Variants in NOL4 observed in about 807,000 individuals in gnomAD.
The protein encoded by NOL4 is nucleolar protein 4.
NOL4 carries 17 observed loss-of-function variants against 75.9 expected under a neutral mutation model. The observed-to-expected ratio is 0.22, with a 90% confidence interval of 0.15 to 0.34. The LOEUF (loss-of-function observed/expected upper bound fraction) is 0.34. Ranked by LOEUF, NOL4 falls within the 10% of genes least tolerant of loss-of-function variation. NOL4 has a pLI of 1.00. For missense variants in NOL4, 614 were observed against 793.5 expected, an observed-to-expected ratio of 0.77 and a Z score of 2.72; for synonymous variants, 292 against 289.9, an observed-to-expected ratio of 1.01 and a Z score of -0.07.
intron 6 of NOL4, among the ~76,000 whole-genome samples, chr18:33,987,226 C>A (rs2072530586): frequency 6.6e-6 from 1 of 151,902 alleles, no homozygotes; most frequent in Non-Finnish European, 1.5e-5. Flanking sequence ...AACACTAGGG[C>A]CTATTTGCTT....
At chr18:34,164,104 AG>A (rs1209441321) in intron 1 of NOL4, among the ~76,000 whole-genome samples, 3 of 152,242 alleles carry the variant, frequency 2.0e-5, no homozygotes, top group African/African-American at 7.2e-5. Flanking sequence ...GATGGATTAA[AG>A]ACTTAGACGT....
intron 1 of NOL4, among the ~76,000 whole-genome samples, chr18:34,134,887 C>CTT (rs1157722907): frequency 3.9e-5 from 6 of 152,034 alleles, no homozygotes; most frequent in African/African-American, 1.4e-4. Flanking sequence ...CAAAGGAAAA[C>CTT]TAGAAATACT....
At chr18:34,080,768 G>C (rs758728750) in intron 5 of NOL4, among the ~76,000 whole-genome samples, 1 of 152,156 alleles carries the variant, frequency 6.6e-6, no homozygotes, top group Non-Finnish European at 1.5e-5. Context: ...ACTGGGTAAA[G>C]CATCATTGTT....
At chr18:34,044,152 G>A (rs2076259842) in intron 5 of NOL4, among the ~76,000 whole-genome samples, 1 of 151,772 alleles carries the variant, frequency 6.6e-6, no homozygotes, top group Admixed American at 6.6e-5. Flanking sequence ...TGTTAGAATT[G>A]TTTTATTTCT....
At chr18:34,168,534 A>C (rs1243450326) in intron 1 of NOL4, among the ~76,000 whole-genome samples, 1 of 151,414 alleles carries the variant, frequency 6.6e-6, no homozygotes, top group Non-Finnish European at 1.5e-5. Flanking sequence ...TTGGAAGATG[A>C]GTCTGAAAAC....
chr18:34,053,895 G>A (rs901807743), intron 5 of NOL4, among the ~76,000 whole-genome samples: 9 of 151,698 alleles, frequency 5.9e-5, no homozygotes, highest in Non-Finnish European at 1.0e-4. Context: ...ATATTTGTAG[G>A]CAGTGACAAT....
chr18:33,891,615 T>C (rs1195336037), intron 9 of NOL4, among the ~76,000 whole-genome samples: 1 of 152,080 alleles, frequency 6.6e-6, no homozygotes, highest in Non-Finnish European at 1.5e-5. Context: ...TTCTGAAAAA[T>C]ACAAGTCTAC....
At chr18:34,133,202 G>A (rs1300150706) in intron 1 of NOL4, among the ~76,000 whole-genome samples, 4 of 151,082 alleles carry the variant, frequency 2.6e-5, no homozygotes, top group African/African-American at 7.3e-5. Context: ...AACCTGGGAG[G>A]TGGAGGTTGC....
At chr18:33,975,920 T>C (rs925409804) in intron 6 of NOL4, among the ~76,000 whole-genome samples, 1 of 152,212 alleles carries the variant, frequency 6.6e-6, no homozygotes, top group East Asian at 1.9e-4. Flanking sequence ...AAGGAAGACA[T>C]TGAGAACACA....
chr18:33,888,926 T>G (rs115705586), intron 9 of NOL4, among the ~76,000 whole-genome samples: 2,191 of 151,928 alleles, frequency 0.014, 18 homozygotes, highest in Middle Eastern at 0.037. Context: ...AGGAAAGATC[T>G]AAAATCGACA....
intron 8 of NOL4, among the ~76,000 whole-genome samples, chr18:33,949,286 A>T (rs1429181001): frequency 6.6e-6 from 1 of 152,126 alleles, no homozygotes. Context: ...GGAAGTCATA[A>T]AGAAAGTTCC....
At chr18:34,029,656 G>A (rs1205865584) in intron 5 of NOL4, among the ~76,000 whole-genome samples, 1 of 152,094 alleles carries the variant, frequency 6.6e-6, no homozygotes, top group Non-Finnish European at 1.5e-5. Flanking sequence ...GCGAACACCT[G>A]CCATGCGAGG....
In NOL4 at chr18:33,943,056, C is replaced by T. The variant is rs889854708; in HGVS notation, c.1542+9G>A. The stretch of plus-strand genomic sequence containing the variant: ...CTGGTGTTCACCAGACTTCAAGATG[C>T]CTCAGTACCTGCTGTCTCTCCAGAC... On this transcript the variant is annotated intron_variant, in intron 9 of 10. Transcript: ENST00000261592. The T allele has an allele frequency of 1.9e-6, 3 of 1,586,520 alleles. No individual in the cohort carries two copies. Among genetic ancestry groups the T allele is most frequent in the Middle Eastern group, 1.7e-4 (1 of 6,000 alleles).
At chr18:33,909,942 A>C (rs2066294822) in intron 9 of NOL4, among the ~76,000 whole-genome samples, 1 of 152,322 alleles carries the variant, frequency 6.6e-6, no homozygotes, top group Non-Finnish European at 1.5e-5. Context: ...CTTTCTGAGA[A>C]AAACATGTAA....
intron 2 of NOL4, among the ~76,000 whole-genome samples, chr18:34,109,227 A>C (rs2079466860): frequency 6.6e-6 from 1 of 152,130 alleles, no homozygotes; most frequent in African/African-American, 2.4e-5. Flanking sequence ...TTAAAAAAAA[A>C]GAGCCAGAAG....
rs373762902 is a variant in NOL4, at chr18:34,223,225, T to A, written c.29A>T (p.Gln10Leu). The A allele has an allele frequency of 4.3e-6, 7 of 1,613,964 alleles. No homozygotes were observed. The highest frequency in any genetic ancestry group is 5.9e-6 in the Non-Finnish European group (7 of 1,180,038). ...AGTCCTGAGGCACCAGTCCTGGAAC[T>A]GGCGGTACATGTCGCGCTCGCTCTC... MESERDMYR[Q>L]FQDWCLRTYG... Residue 10 changes from glutamine (Q) to leucine (L), a missense_variant, in exon 1 of 11, where the codon CAG (glutamine) becomes CTG (leucine). Gln to Leu is a moderately radical substitution (Grantham distance 113). Around this residue, in one of 9 missense-constraint regions of NOL4, gnomAD observed 15 missense variants for 18.2 expected, o/e 0.83. Transcript: ENST00000261592.
intron 1 of NOL4, among the ~76,000 whole-genome samples, chr18:34,158,963 T>G (rs948403330): frequency 6.6e-6 from 1 of 152,094 alleles, no homozygotes; most frequent in Non-Finnish European, 1.5e-5. Flanking sequence ...CAAGGACAAA[T>G]GTTGGACGTC....
At chr18:34,114,067 A>C (rs912856001) in intron 2 of NOL4, among the ~76,000 whole-genome samples, 8 of 152,216 alleles carry the variant, frequency 5.3e-5, no homozygotes, top group Non-Finnish European at 1.5e-5. Context: ...TTTGATTCAG[A>C]TACTAAAAAT....
intron 1 of NOL4, among the ~76,000 whole-genome samples, chr18:34,160,429 TTATA>T (rs903574285): frequency 7.2e-5 from 11 of 152,120 alleles, no homozygotes; most frequent in Non-Finnish European, 1.5e-4. Context: ...GTGTTTCTGA[TTATA>T]TATATTATAT....
Sources: gnomAD v4.1 joint callset for allele counts (sites outside exome capture counted in the v4.1 genomes callset) on GRCh38, gnomAD v4.1.1 for gene constraint, gnomAD v4.1.1 regional missense constraint, MANE v1.5 for transcripts, NCBI Gene and HGNC (gene_info 2026-07-23, HGNC 2026-07-21) for gene names.